The following UTF1 variants were observed in gnomAD, a reference collection of about 807,000 sequenced individuals.
UTF1 encodes undifferentiated embryonic cell transcription factor 1.
Under a neutral mutation model 11.8 loss-of-function variants are expected in UTF1, and 8 were observed. The observed-to-expected ratio is 0.68, with a 90% CI of 0.40 to 1.23. The LOEUF (loss-of-function observed/expected upper bound fraction) is 1.23, where lower values mean the gene tolerates loss of function less well. Among genes scored for constraint, UTF1 ranks in the 50% most tolerant of loss-of-function variants. The pLI, the probability that UTF1 is intolerant of heterozygous loss-of-function variation, is 0.01. For synonymous variants in UTF1, 344 were observed against 271.7 expected (o/e 1.27, Z -2.62); for missense variants, 545 against 542.1 (o/e 1.01, Z -0.05).
In UTF1 at chr10:133,230,393, C is replaced by T. The variant is rs1481383173; in HGVS notation, c.105C>T (p.Thr35=). The change falls in exon 1 of 2, where the codon ACC becomes ACT. Residue 35 remains threonine (T), a synonymous_variant. Transcript: ENST00000304477. ...EPRTPGDAPG[T]PPRRPASPSA... is the part of the protein sequence containing the mutation. The stretch of plus-strand genomic sequence containing the variant: ...GGACACCCGGAGACGCCCCGGGGAC[C>T]CCGCCCCGGAGGCCCGCCTCGCCCA... The T allele has an allele frequency of 1.5e-6, 2 of 1,292,830 alleles. No homozygotes were observed. Among genetic ancestry groups the T allele is most frequent in the Admixed American group, 7.2e-5 (2 of 27,716 alleles). The allele number at this position is 1,292,830 out of a possible 1,614,324, so 80.1% of individuals were successfully genotyped here.
rs1845793610 is a variant in UTF1 at position 133,231,099 on chromosome 10, C to T, written c.683C>T (p.Ala228Val). Residue 228 changes from alanine to valine, a missense_variant, in exon 2 of 2, where the codon GCC becomes GTC. Around this residue, in one of 3 missense-constraint regions of UTF1, gnomAD observed 394 missense variants for 341.5 expected, o/e 1.15. Transcript: ENST00000304477. ...TCCCCGCCAGCTCCCGCCCCGACCG[C>T]CCTCGCCACCTGCATCCCCGAGGAC... is the stretch of plus-strand genomic sequence containing the variant. ...PGSPPAPAPTALATCIPEDRA... is the reference protein window; with the variant it reads ...PGSPPAPAPTVLATCIPEDRA... 2.3e-6 allele frequency: 3 copies of T among 1,284,698 alleles called. No individual in the cohort carries two copies. The highest frequency in any genetic ancestry group is 2.9e-6 in the Non-Finnish European group (3 of 1,019,308). The allele number at this position is 1,284,698 out of a possible 1,614,324, so 79.6% of individuals were successfully genotyped here. A position where few individuals can be genotyped will look rare whatever the true frequency, so the allele number is the denominator to read the frequency against.
In UTF1 at chr10:133,230,244, G is replaced by A. The variant is rs1487700229; in HGVS notation, c.-45G>A. On this transcript the variant is annotated 5_prime_UTR_variant, in exon 1 of 2. Transcript: ENST00000304477. ...AACGCGTGTGGGCGGCCCGGGCGGC[G>A]TCTGGCCCTCTCCCCATCCTCGCGC... The A allele has an allele frequency of 2.8e-5, 29 of 1,034,014 alleles. No homozygotes were observed. Among genetic ancestry groups the A allele is most frequent in the Non-Finnish European group, 3.0e-5 (26 of 863,388 alleles). The allele number at this position is 1,034,014 out of a possible 1,614,324, so 64.1% of individuals were successfully genotyped here. A position where few individuals can be genotyped will look rare whatever the true frequency, so the allele number is the denominator to read the frequency against.
chr10:133,230,738 C>T lies in UTF1; in HGVS notation c.450C>T (p.Asn150=), dbSNP rs1479592524. 2.1e-6 allele frequency: 3 copies of T among 1,422,218 alleles called. No homozygotes were observed. The East Asian group carries it at 9.1e-5, about 43-fold the overall frequency. 88.1% of individuals were successfully genotyped at this position (1,422,218 alleles called of 1,614,324 possible). A position where few individuals can be genotyped will look rare whatever the true frequency, so the allele number is the denominator to read the frequency against. The change falls in exon 1 of 2, where the codon AAC becomes AAT. Residue 150 remains asparagine, a synonymous_variant. Coordinates refer to ENST00000304477, the MANE Select transcript of UTF1 (RefSeq NM_003577.3). ...AGCTCATGGGGCTGCTGGGCGACAA[C>T]GGGCGCAAACGGCCTCGCCGCCGCT... ...IRKLMGLLGD[N]GRKRPRRRSP... is the part of the protein sequence containing the mutation.
chr10:133,230,360 C>A lies in UTF1; in HGVS notation c.72C>A (p.Pro24=). 1.7e-6 allele frequency: 2 copies of A among 1,198,102 alleles called. No individual in the cohort carries two copies. The highest frequency in any genetic ancestry group is 2.1e-6 in the Non-Finnish European group (2 of 967,114). The allele number at this position is 1,198,102 out of a possible 1,614,324, so 74.2% of individuals were successfully genotyped here. A position where few individuals can be genotyped will look rare whatever the true frequency, so the allele number is the denominator to read the frequency against. ...PAPPSPASPD[P]EPRTPGDAPG... is the part of the protein sequence containing the mutation. ...CGCCCTCGCCCGCCAGCCCCGACCC[C>A]GAGCCGCGGACACCCGGAGACGCCC... is the stretch of plus-strand genomic sequence containing the variant. The change falls in exon 1 of 2, where the codon CCC becomes CCA. Residue 24 remains proline, a synonymous_variant. Transcript: ENST00000304477.
In UTF1 at chr10:133,230,504, G is replaced by A. The variant is rs1427029054; in HGVS notation, c.216G>A (p.Leu72=). Reference sequence around the variant, plus strand: ...GCGCCCGGGAGACGGAGCTGCTGCTGGGGACGCTGCTGCAACCGGCCGTGT... The same window carrying A: ...GCGCCCGGGAGACGGAGCTGCTGCTAGGGACGCTGCTGCAACCGGCCGTGT... ...PWSARETELL[L]GTLLQPAVWR... is the part of the protein sequence containing the mutation. The change falls in exon 1 of 2, where the codon CTG becomes CTA. Residue 72 remains leucine, a synonymous_variant. Transcript: ENST00000304477. 7 of 1,445,642 alleles carry A rather than the reference G, an allele frequency of 4.8e-6. No homozygotes were observed. Among genetic ancestry groups the A allele is most frequent in the Middle Eastern group, 2.4e-4 (1 of 4,096 alleles). 89.6% of individuals were successfully genotyped at this position (1,445,642 alleles called of 1,614,324 possible).
Position 133,230,523 on chromosome 10 carries a change from G to A in UTF1, c.235G>A (p.Ala79Thr), listed in dbSNP as rs1407512798. 6.9e-7 allele frequency: 1 copy of A among 1,442,918 alleles called. No individual in the cohort carries two copies. The highest frequency in any genetic ancestry group is 9.1e-7 in the Non-Finnish European group (1 of 1,100,584). 89.4% of individuals were successfully genotyped at this position (1,442,918 alleles called of 1,614,324 possible). A position where few individuals can be genotyped will look rare whatever the true frequency, so the allele number is the denominator to read the frequency against. The change falls in exon 1 of 2, where the codon GCC (alanine) becomes ACC (threonine). Residue 79 changes from alanine (A) to threonine (T), a missense_variant. By Grantham distance (58) the Ala-to-Thr change is moderately conservative. Around this residue, in one of 3 missense-constraint regions of UTF1, gnomAD observed 129 missense variants for 148.5 expected, o/e 0.87. Coordinates refer to ENST00000304477, the MANE Select transcript of UTF1 (RefSeq NM_003577.3). ...ELLLGTLLQPAVWRALLLDRR... is the reference protein window; with the variant it reads ...ELLLGTLLQPTVWRALLLDRR... ...GCTGCTGGGGACGCTGCTGCAACCG[G>A]CCGTGTGGCGCGCGCTGCTCCTGGA...
intron 1 of UTF1, 46 bp downstream of exon 1, chr10:133,230,884 G>A: frequency 7.8e-7 from 1 of 1,281,060 alleles, no homozygotes; most frequent in African/African-American, 1.6e-5. Flanking sequence ...GACTGCGGAG[G>A]AACCGGGGGC....
Position 133,231,104 on chromosome 10 carries a change from G to T in UTF1, c.688G>T (p.Ala230Ser), listed in dbSNP as rs1345299942. ...GCCAGCTCCCGCCCCGACCGCCCTC[G>T]CCACCTGCATCCCCGAGGACCGCGC... is the stretch of plus-strand genomic sequence containing the variant. The part of the protein sequence containing the change: ...SPPAPAPTAL[A>S]TCIPEDRAPV... The change falls in exon 2 of 2, where the codon GCC becomes TCC. Residue 230 changes from alanine to serine, a missense_variant. Transcript: ENST00000304477. 1.8e-5 allele frequency: 21 copies of T among 1,195,408 alleles called. No homozygotes were observed. The highest frequency in any genetic ancestry group is 2.2e-5 in the Non-Finnish European group (21 of 971,262). The allele number at this position is 1,195,408 out of a possible 1,614,324, so 74.1% of individuals were successfully genotyped here.
At position 133,230,257 on chromosome 10, in the gene UTF1, C is replaced by T. The variant is rs1405369838; in HGVS notation, c.-32C>T. The T allele has an allele frequency of 2.1e-5, 22 of 1,042,120 alleles. No homozygotes were observed. The highest frequency in any genetic ancestry group is 8.9e-5 in the East Asian group (1 of 11,236). The allele number at this position is 1,042,120 out of a possible 1,614,324, so 64.6% of individuals were successfully genotyped here. A position where few individuals can be genotyped will look rare whatever the true frequency, so the allele number is the denominator to read the frequency against. On this transcript the variant is annotated 5_prime_UTR_variant, in exon 1 of 2. Transcript: ENST00000304477. Reference sequence around the variant, plus strand: ...GGCCCGGGCGGCGTCTGGCCCTCTCCCCATCCTCGCGCGCCGCGCCCCAGC... The same window carrying T: ...GGCCCGGGCGGCGTCTGGCCCTCTCTCCATCCTCGCGCGCCGCGCCCCAGC...
rs927171008 is a variant in UTF1 at position 133,231,103 on chromosome 10, C to G, written c.687C>G (p.Leu229=). 7.8e-7 allele frequency: 1 copy of G among 1,282,626 alleles called. No individual in the cohort carries two copies. The highest frequency in any genetic ancestry group is 9.8e-7 in the Non-Finnish European group (1 of 1,018,220). 79.5% of individuals were successfully genotyped at this position (1,282,626 alleles called of 1,614,324 possible). A position where few individuals can be genotyped will look rare whatever the true frequency, so the allele number is the denominator to read the frequency against. The change falls in exon 2 of 2, where the codon CTC becomes CTG. Residue 229 remains leucine (L), a synonymous_variant. Transcript: ENST00000304477. ...GSPPAPAPTA[L]ATCIPEDRAP... ...CGCCAGCTCCCGCCCCGACCGCCCTCGCCACCTGCATCCCCGAGGACCGCG... is the reference window on the plus strand; with the variant it reads ...CGCCAGCTCCCGCCCCGACCGCCCTGGCCACCTGCATCCCCGAGGACCGCG...
rs1351001061 is a variant in UTF1 at position 133,231,193 on chromosome 10, C to A, written c.777C>A (p.Pro259=). 1.1e-5 allele frequency: 16 copies of A among 1,411,574 alleles called. No homozygotes were observed. The highest frequency in any genetic ancestry group is 9.0e-5 in the African/African-American group (6 of 66,856). The allele number at this position is 1,411,574 out of a possible 1,614,324, so 87.4% of individuals were successfully genotyped here. A position where few individuals can be genotyped will look rare whatever the true frequency, so the allele number is the denominator to read the frequency against. The change falls in exon 2 of 2, where the codon CCC becomes CCA. Residue 259 remains proline (P), a synonymous_variant. Transcript: ENST00000304477. ...PPAREDPDSP[P]GRPEDCAPPP... The stretch of plus-strand genomic sequence containing the variant: ...CCCGCGAAGACCCCGACTCGCCGCC[C>A]GGCCGCCCCGAGGACTGCGCGCCCC...
chr10:133,230,943 C>A (rs1340263686), intron 1 of UTF1, 24 bp from the exon 2 acceptor site: 3 of 1,298,818 alleles, frequency 2.3e-6, no homozygotes, highest in South Asian at 4.5e-5. Flanking sequence ...AAAATCCGCC[C>A]GACCGCCTGC....
chr10:133,230,749 G>A lies in UTF1; in HGVS notation c.461G>A (p.Arg154Gln), dbSNP rs896759038. 7.1e-7 allele frequency: 1 copy of A among 1,410,464 alleles called. No homozygotes were observed. Among genetic ancestry groups the A allele is most frequent in the Non-Finnish European group, 9.2e-7 (1 of 1,083,396 alleles). The allele number at this position is 1,410,464 out of a possible 1,614,324, so 87.4% of individuals were successfully genotyped here. ...MGLLGDNGRK[R>Q]PRRRSPGSGR... ...CTGCTGGGCGACAACGGGCGCAAACGGCCTCGCCGCCGCTCCCCGGGGTCC... is the reference window on the plus strand; with the variant it reads ...CTGCTGGGCGACAACGGGCGCAAACAGCCTCGCCGCCGCTCCCCGGGGTCC... Residue 154 changes from arginine to glutamine, a missense_variant, in exon 1 of 2, where the codon CGG becomes CAG. Physicochemically the swap from Arg to Gln is conservative, Grantham distance 43. Coordinates refer to ENST00000304477, the MANE Select transcript of UTF1 (RefSeq NM_003577.3).
At position 133,230,320 on chromosome 10, in the gene UTF1, TCGCGCCCCC is replaced by T. The variant is rs1564907003; in HGVS notation, c.39_47del (p.Ala15_Pro17del). 5 of 1,097,684 alleles carry T rather than the reference TCGCGCCCCC, an allele frequency of 4.6e-6. No individual in the cohort carries two copies. The highest frequency in any genetic ancestry group is 5.5e-6 in the Non-Finnish European group (5 of 904,724). 68.0% of individuals were successfully genotyped at this position (1,097,684 alleles called of 1,614,324 possible). A position where few individuals can be genotyped will look rare whatever the true frequency, so the allele number is the denominator to read the frequency against. On this transcript the variant is annotated inframe_deletion, in exon 1 of 2. Coordinates refer to ENST00000304477, the MANE Select transcript of UTF1 (RefSeq NM_003577.3). The stretch of plus-strand genomic sequence containing the variant: ...CTCCGGCCCCGCAGGCCGCCCCCGC[TCGCGCCCCC>T]CGCGCCGCCCTCGCCCGCCAGCCCC...
In UTF1 at chr10:133,231,088, C is replaced by T. The variant is rs1845793375; in HGVS notation, c.672C>T (p.Pro224=). 4.6e-6 allele frequency: 6 copies of T among 1,293,326 alleles called. No homozygotes were observed. Among genetic ancestry groups the T allele is most frequent in the South Asian group, 2.3e-5 (1 of 43,902 alleles). 80.1% of individuals were successfully genotyped at this position (1,293,326 alleles called of 1,614,324 possible). Residue 224 remains proline, a synonymous_variant, in exon 2 of 2, where the codon CCC becomes CCT. Coordinates refer to ENST00000304477, the MANE Select transcript of UTF1 (RefSeq NM_003577.3). ...ASPAPGSPPA[P]APTALATCIP... ...CCGCCCCCGGCTCCCCGCCAGCTCC[C>T]GCCCCGACCGCCCTCGCCACCTGCA...
At position 133,230,990 on chromosome 10, in the gene UTF1, C is replaced by T. The variant is rs754294087; in HGVS notation, c.574C>T (p.Arg192Cys). The T allele has an allele frequency of 3.0e-6, 4 of 1,332,044 alleles. No homozygotes were observed. Among genetic ancestry groups the T allele is most frequent in the South Asian group, 3.8e-5 (2 of 53,252 alleles). 82.5% of individuals were successfully genotyped at this position (1,332,044 alleles called of 1,614,324 possible). A position where few individuals can be genotyped will look rare whatever the true frequency, so the allele number is the denominator to read the frequency against. Residue 192 changes from arginine to cysteine, a missense_variant, in exon 2 of 2, where the codon CGC becomes TGC. Physicochemically the swap from Arg to Cys is radical, Grantham distance 180 (BLOSUM62 -3). Transcript: ENST00000304477. Reference protein sequence around the residue: ...EPDATPLPTARDRDADPTWTL... With the variant: ...EPDATPLPTACDRDADPTWTL... Reference sequence around the variant, plus strand: ...AGACGCCACCCCGCTGCCCACCGCCCGCGACCGCGACGCGGACCCCACCTG... The same window carrying T: ...AGACGCCACCCCGCTGCCCACCGCCTGCGACCGCGACGCGGACCCCACCTG...
In UTF1 at chr10:133,231,544, G is replaced by A. The variant is rs922640153; in HGVS notation, c.*102G>A. Reference sequence around the variant, plus strand: ...CGTTCTTGGGTATGTTCAATAAAAGGATTGTTTTCCTAGAGTCCGGGCTGT... The same window carrying A: ...CGTTCTTGGGTATGTTCAATAAAAGAATTGTTTTCCTAGAGTCCGGGCTGT... On this transcript the variant is annotated 3_prime_UTR_variant, in exon 2 of 2. Coordinates refer to ENST00000304477, the MANE Select transcript of UTF1 (RefSeq NM_003577.3). 3 of 1,036,096 alleles carry A rather than the reference G, an allele frequency of 2.9e-6. No individual in the cohort carries two copies. Among genetic ancestry groups the A allele is most frequent in the South Asian group, 1.8e-5 (1 of 54,366 alleles). The allele number at this position is 1,036,096 out of a possible 1,614,324, so 64.2% of individuals were successfully genotyped here.
chr10:133,231,187 G>A lies in UTF1; in HGVS notation c.771G>A (p.Ser257=), dbSNP rs1359727263. 8 of 1,367,904 alleles carry A rather than the reference G, an allele frequency of 5.8e-6. No homozygotes were observed. The highest frequency in any genetic ancestry group is 7.5e-6 in the Non-Finnish European group (8 of 1,064,686). The allele number at this position is 1,367,904 out of a possible 1,614,324, so 84.7% of individuals were successfully genotyped here. Residue 257 remains serine, a synonymous_variant, in exon 2 of 2, where the codon TCG becomes TCA. Transcript: ENST00000304477. ...CCCCGGCCCGCGAAGACCCCGACTC[G>A]CCGCCCGGCCGCCCCGAGGACTGCG... ...PPPPAREDPD[S]PPGRPEDCAP...
chr10:133,231,048 C>T lies in UTF1; in HGVS notation c.632C>T (p.Ser211Phe). ...CGCTTCAGCCCGTCCCCACCGAAGT[C>T]TGCGGACGCCTCCCCCGCCCCCGGC... ...TLRFSPSPPK[S>F]ADASPAPGSP... The change falls in exon 2 of 2, where the codon TCT becomes TTT. Residue 211 changes from serine (S) to phenylalanine (F), a missense_variant. By Grantham distance (155) the Ser-to-Phe change is radical. Transcript: ENST00000304477. 5 of 1,307,106 alleles carry T rather than the reference C, an allele frequency of 3.8e-6. No individual in the cohort carries two copies. Among genetic ancestry groups the T allele is most frequent in the Non-Finnish European group, 4.8e-6 (5 of 1,032,878 alleles). 81.0% of individuals were successfully genotyped at this position (1,307,106 alleles called of 1,614,324 possible).
Sources: gnomAD v4.1 joint callset for allele counts on GRCh38, gnomAD v4.1.1 for gene constraint, gnomAD v4.1.1 regional missense constraint, MANE v1.5 for transcripts, NCBI Gene and HGNC (gene_info 2026-07-23, HGNC 2026-07-21) for gene names.